The following MAST2 variants were observed in gnomAD, a reference collection of about 807,000 sequenced individuals.
MAST2 encodes microtubule associated serine/threonine kinase 2, also known as microtubule-associated serine/threonine-protein kinase 2.
A neutral mutation model predicts 147.4 loss-of-function variants in MAST2; 70 were observed. That is an observed-to-expected ratio of 0.47 (90% CI 0.39 to 0.58). The LOEUF is 0.58. Ranked by LOEUF, MAST2 falls within the 20% of genes least tolerant of loss-of-function variation. MAST2 has a pLI of 0.00. For missense variants in MAST2, 2,080 were observed against 2,302.3 expected, an observed-to-expected ratio of 0.90 and a Z score of 1.98; for synonymous variants, 869 against 896.8, an observed-to-expected ratio of 0.97 and a Z score of 0.55.
At chr1:45,943,829 A>G (rs1657664885) in intron 4 of MAST2, among the ~76,000 whole-genome samples, 1 of 152,242 alleles carries the variant, frequency 6.6e-6, no homozygotes, top group Non-Finnish European at 1.5e-5. Flanking sequence ...TAAAATCCGT[A>G]GTAACATAGG....
Position 46,025,795 on chromosome 1 carries a change from C to G in MAST2, c.1899C>G (p.His633Gln). 1.9e-6 allele frequency: 3 copies of G among 1,614,198 alleles called. No individual in the cohort carries two copies. The highest frequency in any genetic ancestry group is 2.5e-6 in the Non-Finnish European group (3 of 1,180,040). ...LEYLHNYGIV[H>Q]RDLKPDNLLI... is the part of the protein sequence containing the mutation. ...ACTTACACAACTATGGCATCGTGCA[C>G]CGTGACCTCAAGCCTGACAAGTATG... The change falls in exon 16 of 29, where the codon CAC (histidine) becomes CAG (glutamine). Residue 633 changes from histidine (H) to glutamine (Q), a missense_variant. Physicochemically the swap from His to Gln is conservative, Grantham distance 24 (BLOSUM62 0). Transcript: ENST00000361297.
intron 5 of MAST2, among the ~76,000 whole-genome samples, chr1:45,963,670 A>T (rs953007183): frequency 6.6e-6 from 1 of 152,172 alleles, no homozygotes; most frequent in African/African-American, 2.4e-5. Flanking sequence ...GGCTGAGACA[A>T]TGGGGTTTTC....
In MAST2 at chr1:46,025,826, A is replaced by G. The variant is rs777329786; in HGVS notation, c.1919+11A>G. 3 of 1,614,060 alleles carry G rather than the reference A, an allele frequency of 1.9e-6. No homozygotes were observed. The Admixed American group carries it at 5.0e-5, about 27-fold the overall frequency. On this transcript the variant is annotated intron_variant, in intron 16 of 28. Transcript: ENST00000361297. The stretch of plus-strand genomic sequence containing the variant: ...CCTCAAGCCTGACAAGTATGTCCAC[A>G]GTCTGTGTCCCTTGTCCAGGGTCTC...
intron 3 of MAST2, among the ~76,000 whole-genome samples, chr1:45,875,091 A>ATCCATTG (rs1646545624): frequency 6.6e-6 from 1 of 152,218 alleles, no homozygotes; most frequent in Non-Finnish European, 1.5e-5. Context: ...CCTGTAGACT[A>ATCCATTG]CAGAAAGGAT....
intron 5 of MAST2, among the ~76,000 whole-genome samples, 153 bp from the exon 6 acceptor site, chr1:45,997,571 A>G (rs1428937193): frequency 6.6e-6 from 1 of 152,152 alleles, no homozygotes; most frequent in Non-Finnish European, 1.5e-5. Context: ...GGGCTATGAA[A>G]CTTTTACAGA....
intron 3 of MAST2, among the ~76,000 whole-genome samples, chr1:45,848,953 G>T (rs1249637775): frequency 6.6e-6 from 1 of 152,120 alleles, no homozygotes; most frequent in Admixed American, 6.6e-5. Flanking sequence ...CCAGCTGGGA[G>T]CCAAATCAGG....
chr1:46,031,429 G>C lies in MAST2; in HGVS notation c.3031G>C (p.Glu1011Gln). ...AGGCCGTGGGACCTCACAGCTGGCTGAGGGAGCCACAGCCAAGGCCATCAG... is the reference window on the plus strand; with the variant it reads ...AGGCCGTGGGACCTCACAGCTGGCTCAGGGAGCCACAGCCAAGGCCATCAG... ...TRGRGTSQLA[E>Q]GATAKAISDL... The change falls in exon 24 of 29, where the codon GAG becomes CAG. Residue 1011 changes from glutamate to glutamine, a missense_variant. Physicochemically the swap from Glu to Gln is conservative, Grantham distance 29. Around this residue, in one of 4 missense-constraint regions of MAST2, gnomAD observed 1,278 missense variants for 1,304.2 expected, o/e 0.98. Transcript: ENST00000361297. This position sits in a 1 kb window ranked among gnomAD's most constrained non-coding sequence, Gnocchi z 4.1. 1 of 1,614,000 alleles carries C rather than the reference G, an allele frequency of 6.2e-7. No individual in the cohort carries two copies. The highest frequency in any genetic ancestry group is 8.5e-7 in the Non-Finnish European group (1 of 1,179,940).
At chr1:46,030,003 A>G in intron 20 of MAST2, 50 bp downstream of exon 20, 1 of 1,611,484 alleles carries the variant, frequency 6.2e-7, no homozygotes, top group East Asian at 2.2e-5. Context: ...CTGTTTGCCT[A>G]GAAACACCTG....
At chr1:46,033,554 G>C (rs1382494866) in intron 26 of MAST2, among the ~76,000 whole-genome samples, 3 of 152,184 alleles carry the variant, frequency 2.0e-5, no homozygotes, top group Non-Finnish European at 2.9e-5. Flanking sequence ...TCTGAGCTGT[G>C]GGTAGGGCTG....
intron 4 of MAST2, among the ~76,000 whole-genome samples, chr1:45,926,583 CTT>C (rs1224388545): frequency 6.6e-6 from 1 of 152,130 alleles, no homozygotes; most frequent in Non-Finnish European, 1.5e-5. Context: ...ATGAAAAACA[CTT>C]TGAATTACAT....
chr1:46,029,501 C>G lies in MAST2; in HGVS notation c.2254C>G (p.Pro752Ala). The G allele has an allele frequency of 6.2e-7, 1 of 1,613,884 alleles. No homozygotes were observed. Among genetic ancestry groups the G allele is most frequent in the Non-Finnish European group, 8.5e-7 (1 of 1,179,828 alleles). The change falls in exon 19 of 29, where the codon CCC (proline) becomes GCC (alanine). Residue 752 changes from proline (P) to alanine (A), a missense_variant. Physicochemically the swap from Pro to Ala is conservative, Grantham distance 27. This residue lies in a region of MAST2 where 209 missense variants were observed against 309.5 expected (regional missense o/e 0.68). Coordinates refer to ENST00000361297, the MANE Select transcript of MAST2 (RefSeq NM_015112.3). ...IVWPEGDEAL[P>A]PDAQDLTSKL... Reference sequence around the variant, plus strand: ...GTGGCCTGAGGGTGATGAGGCACTGCCCCCAGACGCCCAGGACCTCACCTC... The same window carrying G: ...GTGGCCTGAGGGTGATGAGGCACTGGCCCCAGACGCCCAGGACCTCACCTC...
intron 3 of MAST2, among the ~76,000 whole-genome samples, chr1:45,870,528 A>ATG (rs1646341538): frequency 6.6e-6 from 1 of 150,456 alleles, no homozygotes; most frequent in African/African-American, 2.4e-5. Context: ...ATATATATAT[A>ATG]TATAAAATTT....
At chr1:45,804,755 GT>G (rs1182849893) in intron 1 of MAST2, among the ~76,000 whole-genome samples, 7 of 152,312 alleles carry the variant, frequency 4.6e-5, no homozygotes, top group African/African-American at 1.7e-4. Flanking sequence ...AACAGGATAT[GT>G]TTATGTAATT....
rs1644078572 is a variant in MAST2 at position 45,804,392 on chromosome 1, A to T, written c.177+320A>T. 2.0e-5 allele frequency among the ~76,000 whole-genome samples: 3 copies of T among 152,186 alleles called. No homozygotes were observed. The South Asian group carries it at 6.2e-4, about 32-fold the overall frequency. ...GAGTAGGCTTACTAAAGAGGCGTTG[A>T]GGAGTTATCCATAGGAGTAAATAGA... is the stretch of plus-strand genomic sequence containing the variant. On this transcript the variant is annotated intron_variant, in intron 1 of 28. Transcript: ENST00000361297.
chr1:45,911,679 G>C (rs888171862), intron 4 of MAST2, among the ~76,000 whole-genome samples: 4 of 151,490 alleles, frequency 2.6e-5, no homozygotes, highest in Admixed American at 2.6e-4. Flanking sequence ...ACTTCTCTGT[G>C]TCTTTAAAAA....
intron 3 of MAST2, among the ~76,000 whole-genome samples, chr1:45,863,274 GGAGTTC>G (rs1646038719): frequency 6.6e-6 from 1 of 152,132 alleles, no homozygotes; most frequent in African/African-American, 2.4e-5. Flanking sequence ...TTTTGATAGA[GGAGTTC>G]TATGACTTTA....
At chr1:45,973,114 T>A (rs1030115249) in intron 5 of MAST2, among the ~76,000 whole-genome samples, 13 of 152,184 alleles carry the variant, frequency 8.5e-5, no homozygotes, top group Non-Finnish European at 1.8e-4. Context: ...AGCTCTTGAC[T>A]CCAATTACTC....
chr1:45,943,960 A>G (rs1657683609), intron 4 of MAST2, among the ~76,000 whole-genome samples: 1 of 152,144 alleles, frequency 6.6e-6, no homozygotes, highest in South Asian at 2.1e-4. Flanking sequence ...CTCCTCTTGA[A>G]TTCTGAGGAT....
chr1:46,032,590 G>T lies in MAST2; in HGVS notation c.3415-6G>T. On this transcript the variant is annotated splice_polypyrimidine_tract_variant and splice_region_variant and intron_variant, in intron 25 of 28. Transcript: ENST00000361297. ...CAGTCTGAGTACTGTTCTCTTCCTG[G>T]CACAGCACGTGGAGGATGGAGGTCC... The T allele has an allele frequency of 6.2e-7, 1 of 1,613,760 alleles. No individual in the cohort carries two copies. The highest frequency in any genetic ancestry group is 8.5e-7 in the Non-Finnish European group (1 of 1,179,794).
Sources: gnomAD v4.1 joint callset for allele counts (sites outside exome capture counted in the v4.1 genomes callset) on GRCh38, gnomAD v4.1.1 for gene constraint, gnomAD v4.1.1 regional missense constraint, Gnocchi (gnomAD v3.1) non-coding constraint, MANE v1.5 for transcripts, NCBI Gene and HGNC (gene_info 2026-07-23, HGNC 2026-07-21) for gene names.